ADGRL3: variants seen among roughly 807,000 people sequenced by gnomAD.
The protein encoded by ADGRL3 is adhesion G protein-coupled receptor L3, also known as calcium-independent alpha-latrotoxin receptor 3.
In ADGRL3, 62 loss-of-function variants were observed where a neutral mutation model predicts 153.5. That is an observed-to-expected ratio of 0.40 (90% CI 0.33 to 0.50). The LOEUF (loss-of-function observed/expected upper bound fraction) is 0.50, where lower values mean the gene tolerates loss of function less well. Among genes scored for constraint, ADGRL3 ranks in the 20% least tolerant of loss-of-function variants. The probability of loss-of-function intolerance (pLI) is 0.47; values close to 1 mark genes in which losing one functional copy is unlikely to be tolerated. For synonymous variants in ADGRL3, 710 were observed against 672.5 expected (o/e 1.06, Z -0.86); for missense variants, 1,641 against 1,859.4 (o/e 0.88, Z 2.16).
At chr4:61,652,600 C>T (rs959885135) in intron 5 of ADGRL3, among the ~76,000 whole-genome samples, 3 of 152,104 alleles carry the variant, frequency 2.0e-5, no homozygotes, top group African/African-American at 4.8e-5. Flanking sequence ...TTAATAAATA[C>T]ATGCTATACA....
intron 1 of ADGRL3, among the ~76,000 whole-genome samples, chr4:61,259,641 G>A (rs2092351143): frequency 2.0e-5 from 3 of 152,026 alleles, no homozygotes; most frequent in African/African-American, 4.8e-5. Context: ...TATGCTCGCC[G>A]CTGAAATCAC....
At chr4:61,552,815 A>G (rs2098746411) in intron 4 of ADGRL3, among the ~76,000 whole-genome samples, 1 of 152,132 alleles carries the variant, frequency 6.6e-6, no homozygotes, top group Non-Finnish European at 1.5e-5. Context: ...GACTTTGTAT[A>G]CTTAAAATAT....
intron 1 of ADGRL3, among the ~76,000 whole-genome samples, chr4:61,381,293 TTG>T (rs55767359): frequency 0.024 from 3,455 of 141,416 alleles, 74 homozygotes; most frequent in African/African-American, 0.062. Flanking sequence ...ATAAACAAGT[TTG>T]TGTGTGTGTG....
chr4:61,915,212 GA>G (rs1274697749), intron 13 of ADGRL3, among the ~76,000 whole-genome samples: 1 of 149,578 alleles, frequency 6.7e-6, no homozygotes, highest in Non-Finnish European at 1.5e-5. Flanking sequence ...AGGTTTTGGG[GA>G]AAAATTGCTT....
intron 4 of ADGRL3, among the ~76,000 whole-genome samples, chr4:61,547,034 C>T (rs984808255): frequency 1.3e-5 from 2 of 152,102 alleles, no homozygotes; most frequent in Admixed American, 6.5e-5. Context: ...TGAACGTATT[C>T]TGAGAGAATC....
chr4:61,447,477 A>G (rs1300404395), intron 2 of ADGRL3, among the ~76,000 whole-genome samples: 1 of 152,138 alleles, frequency 6.6e-6, no homozygotes, highest in Non-Finnish European at 1.5e-5. Context: ...TATGATCGAG[A>G]GTTGACGAAT....
chr4:62,051,952 C>T (rs1734439059), intron 25 of ADGRL3, among the ~76,000 whole-genome samples: 1 of 151,672 alleles, frequency 6.6e-6, no homozygotes, highest in Non-Finnish European at 1.5e-5. Context: ...TTAGGAGTTG[C>T]TGGTGTTCTT....
chr4:61,200,921 G>A lies in ADGRL3; in HGVS notation c.-1084G>A, dbSNP rs1734471176. ...CGCCGGCCCCCGGGACGCAGCCCTCGGCGGCCGGGCGCCCGCTCTGTCTGC... is the reference window on the plus strand; with the variant it reads ...CGCCGGCCCCCGGGACGCAGCCCTCAGCGGCCGGGCGCCCGCTCTGTCTGC... On this transcript the variant is annotated 5_prime_UTR_variant, in exon 1 of 27. Coordinates refer to ENST00000683033, the MANE Select transcript of ADGRL3 (RefSeq NM_001387552.1). 6.6e-6 allele frequency among the ~76,000 whole-genome samples: 1 copy of A among 151,598 alleles called. No homozygotes were observed. Among genetic ancestry groups the A allele is most frequent in the Admixed American group, 6.6e-5 (1 of 15,260 alleles).
chr4:61,347,047 T>C (rs2095930781), intron 1 of ADGRL3, among the ~76,000 whole-genome samples: 1 of 152,068 alleles, frequency 6.6e-6, no homozygotes, highest in Non-Finnish European at 1.5e-5. Flanking sequence ...GCTCTCACTA[T>C]TAGAGCTTCT....
At chr4:61,555,973 T>C (rs543338766) in intron 4 of ADGRL3, among the ~76,000 whole-genome samples, 2 of 152,210 alleles carry the variant, frequency 1.3e-5, no homozygotes, top group African/African-American at 4.8e-5. Context: ...CAGCAAGGTC[T>C]TTATGACCTG....
intron 5 of ADGRL3, among the ~76,000 whole-genome samples, chr4:61,598,387 C>T (rs1229962185): frequency 6.6e-6 from 1 of 152,134 alleles, no homozygotes; most frequent in Admixed American, 6.5e-5. Flanking sequence ...AAATTATTCT[C>T]ATGAGATGCT....
chr4:62,025,945 G>C (rs1010182391), intron 21 of ADGRL3, among the ~76,000 whole-genome samples: 7 of 152,038 alleles, frequency 4.6e-5, no homozygotes, highest in Non-Finnish European at 7.4e-5. Flanking sequence ...GGAATCAACA[G>C]CATGGCAACA....
chr4:61,616,848 T>C (rs2092059104), intron 5 of ADGRL3, among the ~76,000 whole-genome samples: 1 of 151,836 alleles, frequency 6.6e-6, no homozygotes, highest in Non-Finnish European at 1.5e-5. Flanking sequence ...AGAAGTGGGG[T>C]CTTGTTATGT....
chr4:61,919,206 T>G (rs1581458690), intron 13 of ADGRL3, among the ~76,000 whole-genome samples: 1 of 152,054 alleles, frequency 6.6e-6, no homozygotes, highest in Non-Finnish European at 1.5e-5. Context: ...CAACAGGGAG[T>G]ACTTTTAGCA....
chr4:61,275,756 C>T (rs1294969883), intron 1 of ADGRL3, among the ~76,000 whole-genome samples: 1 of 152,136 alleles, frequency 6.6e-6, no homozygotes, highest in African/African-American at 2.4e-5. Flanking sequence ...CATGTCTAGA[C>T]AGATCAAGAC....
chr4:61,659,728 A>G (rs908147174), intron 5 of ADGRL3, among the ~76,000 whole-genome samples: 2 of 152,120 alleles, frequency 1.3e-5, no homozygotes, highest in Admixed American at 6.6e-5. Flanking sequence ...GCATATCTAT[A>G]AAATATAAAT....
At chr4:61,203,257 T>C (rs991618840) in intron 1 of ADGRL3, among the ~76,000 whole-genome samples, 1 of 152,210 alleles carries the variant, frequency 6.6e-6, no homozygotes, top group African/African-American at 2.4e-5. Context: ...ATCATAGCAG[T>C]TGGGAGAACT....
At chr4:62,019,294 A>T (rs1019830531) in intron 21 of ADGRL3, among the ~76,000 whole-genome samples, 2 of 152,054 alleles carry the variant, frequency 1.3e-5, no homozygotes, top group Non-Finnish European at 2.9e-5. Context: ...AGGCTTTCTT[A>T]GAGAGAGCAG....
intron 5 of ADGRL3, among the ~76,000 whole-genome samples, chr4:61,671,928 AAAATTGAGGGTAGCATTATTCATCTCAG>A: frequency 6.6e-6 from 1 of 152,286 alleles, no homozygotes; most frequent in African/African-American, 2.4e-5. Flanking sequence ...CATCTTCTGT[AAAATTGAGGGTAGCATTATTCATCTCAG>A]AAAGAAGTGA....
Sources: gnomAD v4.1 joint callset for allele counts (sites outside exome capture counted in the v4.1 genomes callset) on GRCh38, gnomAD v4.1.1 for gene constraint, MANE v1.5 for transcripts, NCBI Gene and HGNC (gene_info 2026-07-23, HGNC 2026-07-21) for gene names.